The following LIPA variants were observed in gnomAD, a reference collection of about 807,000 sequenced individuals.
The protein encoded by LIPA is lipase A, lysosomal acid type, also known as lysosomal acid lipase/cholesteryl ester hydrolase.
LIPA carries 26 observed loss-of-function variants against 40.6 expected under a neutral mutation model. The ratio of observed to expected loss-of-function variants is 0.64; its 90% confidence interval spans 0.47 to 0.89. LIPA has a LOEUF of 0.89. Ranked by LOEUF, LIPA falls within the 40% of genes least tolerant of loss-of-function variation. The pLI is 0.00. For synonymous variants in LIPA, 188 were observed against 168.4 expected (o/e 1.12, Z -0.90); for missense variants, 455 against 479.6 (o/e 0.95, Z 0.48).
At chr10:89,294,856 C>A (rs1843400637) in intron 1 of LIPA, among the ~76,000 whole-genome samples, 2 of 151,886 alleles carry the variant, frequency 1.3e-5, no homozygotes, top group Admixed American at 1.3e-4. Context: ...CATCTGTGAT[C>A]CCAGCTACTC....
chr10:89,310,831 C>T (rs544353019), intron 1 of LIPA, among the ~76,000 whole-genome samples: 10 of 152,264 alleles, frequency 6.6e-5, no homozygotes, highest in African/African-American at 2.2e-4. Context: ...AAGGAGGCTA[C>T]CAAACAGGTA....
At chr10:89,290,157 A>T (rs1328515673) in intron 1 of LIPA, among the ~76,000 whole-genome samples, 2 of 152,174 alleles carry the variant, frequency 1.3e-5, no homozygotes, top group Non-Finnish European at 1.5e-5. Flanking sequence ...ACCCCCTTGG[A>T]CACTCTCTAA....
intron 1 of LIPA, chr10:89,308,371 C>A (rs1272845656): frequency 6.6e-6 from 1 of 151,382 alleles, no homozygotes; most frequent in East Asian, 1.9e-4. Context: ...CTTTCATGAA[C>A]CTGGTTTGAG....
chr10:89,281,385 T>C (rs1049062706), intron 1 of LIPA, among the ~76,000 whole-genome samples: 1 of 152,220 alleles, frequency 6.6e-6, no homozygotes, highest in South Asian at 2.1e-4. Flanking sequence ...TCCACACTTG[T>C]TGTATTCAGT....
At chr10:89,412,840 C>T (rs1474354036) in exon 2 of LIPA, 1 of 373,260 alleles carries the variant, frequency 2.7e-6, no homozygotes, top group South Asian at 1.9e-5. Flanking sequence ...GAACAAACTC[C>T]AGACACGCCA....
chr10:89,218,363 T>A (rs1842654752), intron 8 of LIPA, among the ~76,000 whole-genome samples: 3 of 152,318 alleles, frequency 2.0e-5, no homozygotes, highest in African/African-American at 7.2e-5. Context: ...ATAATAAAAT[T>A]CAAGCAACAG....
At chr10:89,413,618 T>C (rs114840208) in intron 1 of LIPA, among the ~76,000 whole-genome samples, 1,521 of 152,092 alleles carry the variant, frequency 0.01, 24 homozygotes, top group African/African-American at 0.035. Context: ...AATAAATTAA[T>C]TAGCCCGACA....
At chr10:89,317,736 G>A (rs892596952) in intron 1 of LIPA, among the ~76,000 whole-genome samples, 10 of 152,252 alleles carry the variant, frequency 6.6e-5, no homozygotes, top group East Asian at 1.9e-4. Flanking sequence ...GATATTCCTC[G>A]AGAAGAGCAA....
chr10:89,327,559 A>C (rs1843611837), intron 1 of LIPA, among the ~76,000 whole-genome samples: 1 of 152,062 alleles, frequency 6.6e-6, no homozygotes, highest in African/African-American at 2.4e-5. Context: ...TCAAAAAAAA[A>C]CAAAAACAAA....
chr10:89,233,705 G>A lies in LIPA; in HGVS notation c.230-5307C>T, dbSNP rs144644466. ...ACCTGAGGTCAAGAGTTTGAGGCCA[G>A]CCTGGCCAGCATGGTGAAACCCTCG... On this transcript the variant is annotated intron_variant, in intron 3 of 9. Transcript: ENST00000336233. Among the ~76,000 whole-genome samples the A allele has an allele frequency of 5.5e-3, 830 of 152,230 alleles. 7 individuals are homozygous for A. Among genetic ancestry groups the A allele is most frequent in the African/African-American group, 0.019 (779 of 41,542 alleles).
chr10:89,382,604 TG>T (rs1844171186), intron 2 of LIPA, among the ~76,000 whole-genome samples: 1 of 152,228 alleles, frequency 6.6e-6, no homozygotes, highest in South Asian at 2.1e-4. Context: ...CTTACAAAAG[TG>T]GGACTTGCCA....
rs1255350026 is a variant in LIPA, at chr10:89,306,569, A to C, written c.-2+36042T>G. 4 of 1,614,018 alleles carry C rather than the reference A, an allele frequency of 2.5e-6. No homozygotes were observed. The African/African-American group carries it at 5.3e-5, about 22-fold the overall frequency. On this transcript the variant is annotated intron_variant, in intron 1 of 5. Transcript: ENST00000282673. ...CCCTCTGAGGCAAGCCATTCGGCTG[A>C]ATCCTGACAACCAGTACCTTAAAGT... is the stretch of plus-strand genomic sequence containing the variant.
In LIPA at chr10:89,277,425, C is replaced by T. The variant is rs898561692; in HGVS notation, c.-1-29776G>A. On this transcript the variant is annotated intron_variant, in intron 1 of 5. Transcript: ENST00000282673. ...ACACCTAAGAGGGTTACTGGCACAT[C>T]GGTAGGGATCAATAAATGTTAGCTA... is the stretch of plus-strand genomic sequence containing the variant. Among the ~76,000 whole-genome samples the T allele has an allele frequency of 3.0e-4, 45 of 152,168 alleles. 1 individual carries two copies. Among genetic ancestry groups the T allele is most frequent in the Admixed American group, 2.2e-3 (34 of 15,274 alleles).
intron 2 of LIPA, among the ~76,000 whole-genome samples, chr10:89,370,402 T>C (rs561124749): frequency 6.6e-6 from 1 of 151,832 alleles, no homozygotes; most frequent in Non-Finnish European, 1.5e-5. Context: ...GTTTTTTTTT[T>C]AATTTTATTT....
chr10:89,349,661 G>T (rs1564797429), intron 2 of LIPA, among the ~76,000 whole-genome samples: 1 of 152,134 alleles, frequency 6.6e-6, no homozygotes, highest in African/African-American at 2.4e-5. Context: ...CTCAAGATGG[G>T]GAGAGTCCAG....
At chr10:89,394,586 A>ATATATATATATATTT (rs1377653991) in intron 2 of LIPA, among the ~76,000 whole-genome samples, 2 of 17,586 alleles carry the variant, frequency 1.1e-4, no homozygotes, top group African/African-American at 6.7e-4. Flanking sequence ...AAATATATAT[A>ATATATATATATATTT]TATATATATA....
chr10:89,372,059 T>A (rs746133883), intron 2 of LIPA, among the ~76,000 whole-genome samples: 3 of 152,022 alleles, frequency 2.0e-5, no homozygotes, highest in Admixed American at 6.6e-5. Flanking sequence ...TACTTGAGGG[T>A]AGAGAGTAGG....
intron 2 of LIPA, among the ~76,000 whole-genome samples, chr10:89,353,326 A>G (rs994578559): frequency 6.6e-6 from 1 of 152,164 alleles, no homozygotes; most frequent in Non-Finnish European, 1.5e-5. Flanking sequence ...CTTCTAGAAC[A>G]CTTGACTGGT....
intron 1 of LIPA, among the ~76,000 whole-genome samples, chr10:89,261,524 T>C (rs999768885): frequency 2.0e-5 from 3 of 151,832 alleles, no homozygotes; most frequent in Non-Finnish European, 4.4e-5. Flanking sequence ...AATTAATTAA[T>C]TAAAATTAAA....
Sources: gnomAD v4.1 joint callset for allele counts (sites outside exome capture counted in the v4.1 genomes callset) on GRCh38, gnomAD v4.1.1 for gene constraint, MANE v1.5 for transcripts, NCBI Gene and HGNC (gene_info 2026-07-23, HGNC 2026-07-21) for gene names.